Variants in EIF5A observed in about 807,000 individuals in gnomAD.
EIF5A encodes eukaryotic translation initiation factor 5A-1.
A neutral mutation model predicts 16.6 loss-of-function variants in EIF5A; 1 was observed. The observed-to-expected ratio is 0.06, with a 90% CI of 0.02 to 0.28. The LOEUF (loss-of-function observed/expected upper bound fraction) is 0.28. Ranked by LOEUF, EIF5A falls within the 10% of genes least tolerant of loss-of-function variation. EIF5A has a pLI of 1.00. For missense variants in EIF5A, 29 were observed against 196.1 expected (o/e 0.15, Z 5.09); for synonymous variants, 80 against 73.6 (o/e 1.09, Z -0.44).
chr17:7,310,699 C>T (rs759839115), intron 2 of EIF5A: 163 of 985,292 alleles, frequency 1.7e-4, no homozygotes, highest in Middle Eastern at 1.5e-3. Context: ...GAAAACTCTT[C>T]GAAACTTTTA....
intron 1 of EIF5A, among the ~76,000 whole-genome samples, chr17:7,309,358 C>G (rs540763645): frequency 1.3e-5 from 2 of 152,200 alleles, no homozygotes; most frequent in African/African-American, 2.4e-5. Context: ...TTCCAGCTCC[C>G]TAGAGCCTTC....
intron 1 of EIF5A, 177 bp downstream of exon 1, chr17:7,307,929 G>A: frequency 1.0e-6 from 1 of 985,008 alleles, no homozygotes; most frequent in Non-Finnish European, 1.2e-6. Context: ...TGGCGCGCGG[G>A]GTGACGGTTG....
intron 2 of EIF5A, 61 bp downstream of exon 2, chr17:7,309,861 G>A: frequency 1.9e-6 from 3 of 1,614,040 alleles, no homozygotes; most frequent in East Asian, 4.5e-5. Flanking sequence ...GGCGCTCCCA[G>A]CAGCAAGCTG....
At chr17:7,308,401 C>T in intron 1 of EIF5A, 1 of 1,255,814 alleles carries the variant, frequency 8.0e-7, no homozygotes, top group South Asian at 1.3e-5. Flanking sequence ...GCGCGGGGAG[C>T]TAGTCCTCGC....
rs1194198672 is a variant in EIF5A at position 7,307,709 on chromosome 17, G to T, written c.-65G>T. ...CAGCGGGCTCGGAGGCAGCGGTTGGGCTCGCGGCGAGCGGACGGGGTCGAG... is the reference window on the plus strand; with the variant it reads ...CAGCGGGCTCGGAGGCAGCGGTTGGTCTCGCGGCGAGCGGACGGGGTCGAG... On this transcript the variant is annotated 5_prime_UTR_variant, in exon 1 of 6. Coordinates refer to ENST00000336458, the MANE Select transcript of EIF5A (RefSeq NM_001970.5). The T allele has an allele frequency of 9.6e-7, 1 of 1,044,284 alleles. No individual in the cohort carries two copies. The highest frequency in any genetic ancestry group is 1.7e-5 in the African/African-American group (1 of 57,826). The allele number at this position is 1,044,284 out of a possible 1,614,324, so 64.7% of individuals were successfully genotyped here. A position where few individuals can be genotyped will look rare whatever the true frequency, so the allele number is the denominator to read the frequency against.
chr17:7,307,083 C>A (rs575429378), upstream of EIF5A: 103 of 1,603,524 alleles, frequency 6.4e-5, no homozygotes, highest in Non-Finnish European at 8.0e-5. Flanking sequence ...CAAGACAAGG[C>A]GCCCACCCCA....
At chr17:7,307,175 T>C (rs1209258712), upstream of EIF5A, 2 of 1,507,960 alleles carry the variant, frequency 1.3e-6, no homozygotes, top group Non-Finnish European at 1.8e-6. Flanking sequence ...GCATGCGTTC[T>C]AGACGAGACA....
intron 1 of EIF5A, chr17:7,308,114 GT>G (rs948276599): frequency 9.1e-5 from 91 of 1,000,880 alleles, no homozygotes; most frequent in African/African-American, 9.0e-4. Flanking sequence ...GCCACGTGAG[GT>G]GGGGGAGGGG....
At position 7,312,043 on chromosome 17, in the gene EIF5A, CCT is replaced by C; in HGVS notation, c.*236_*237del. 3.9e-6 allele frequency: 1 copy of C among 253,604 alleles called. No homozygotes were observed. The highest frequency in any genetic ancestry group is 7.7e-5 in the South Asian group (1 of 12,998). The allele number at this position is 253,604 out of a possible 1,614,324, so 15.7% of individuals were successfully genotyped here. On this transcript the variant is annotated 3_prime_UTR_variant, in exon 6 of 6. Coordinates refer to ENST00000336458, the MANE Select transcript of EIF5A (RefSeq NM_001970.5). ...GCTGTGGCCTTGGTGAAGCTGCCCTCCTCTTCTCCCCTCACACTACAGCCCTG... is the reference window on the plus strand; with the variant it reads ...GCTGTGGCCTTGGTGAAGCTGCCCTCCTTCTCCCCTCACACTACAGCCCTG...
At chr17:7,308,126 GC>G (rs2072683382) in intron 1 of EIF5A, 15 of 982,596 alleles carry the variant, frequency 1.5e-5, no homozygotes, top group Non-Finnish European at 1.8e-5. Flanking sequence ...GGGGGAGGGG[GC>G]TATTCGGTGA....
Position 7,311,130 on chromosome 17 carries a change from G to A in EIF5A, c.270+8G>A. 6.2e-7 allele frequency: 1 copy of A among 1,613,278 alleles called. No individual in the cohort carries two copies. Among genetic ancestry groups the A allele is most frequent in the South Asian group, 1.1e-5 (1 of 90,946 alleles). ...AAAAGGAATGACTTCCAGGTATGTA[G>A]ATGGTCTGGATGAGGATGGGTTAGC... is the stretch of plus-strand genomic sequence containing the variant. On this transcript the variant is annotated splice_region_variant and intron_variant, in intron 3 of 5. Transcript: ENST00000336458.
At position 7,311,818 on chromosome 17, in the gene EIF5A, C is replaced by T. The variant is rs957915784; in HGVS notation, c.*12-4C>T. 5 of 988,622 alleles carry T rather than the reference C, an allele frequency of 5.1e-6. No individual in the cohort carries two copies. Among genetic ancestry groups the T allele is most frequent in the South Asian group, 1.6e-5 (1 of 61,464 alleles). The allele number at this position is 988,622 out of a possible 1,614,324, so 61.2% of individuals were successfully genotyped here. On this transcript the variant is annotated splice_region_variant and splice_polypyrimidine_tract_variant and intron_variant, in intron 5 of 5. Transcript: ENST00000336458. The stretch of plus-strand genomic sequence containing the variant: ...TGTCTTACTAATTTCTCTCTCCTAC[C>T]TAGGGTGGCGGTGGTGGCAGCAGTG...
At chr17:7,308,257 C>T in intron 1 of EIF5A, 3 of 1,047,020 alleles carry the variant, frequency 2.9e-6, no homozygotes, top group South Asian at 2.2e-5. Flanking sequence ...CCACGGGAGG[C>T]TGCCCTCGGG....
Position 7,307,636 on chromosome 17 carries a change from AC to A in EIF5A, c.-135del. On this transcript the variant is annotated 5_prime_UTR_variant, in exon 1 of 6. Transcript: ENST00000336458. ...GGGGAGTCGGCGCCTGCGTACTAAG[AC>A]CCGTGTGCAGCAGCGGCGGCGGCGG... The A allele has an allele frequency of 6.7e-6, 7 of 1,039,762 alleles. No homozygotes were observed. Among genetic ancestry groups the A allele is most frequent in the South Asian group, 3.0e-5 (1 of 33,002 alleles). 64.4% of individuals were successfully genotyped at this position (1,039,762 alleles called of 1,614,324 possible). A position where few individuals can be genotyped will look rare whatever the true frequency, so the allele number is the denominator to read the frequency against.
chr17:7,308,325 C>A (rs963231545), intron 1 of EIF5A: 2 of 1,159,064 alleles, frequency 1.7e-6, no homozygotes, highest in Non-Finnish European at 2.2e-6. Context: ...GGGGACCCCT[C>A]CCCCCAGGTC....
chr17:7,310,946 A>C, intron 2 of EIF5A, 72 bp from the exon 3 acceptor site: 1 of 1,525,492 alleles, frequency 6.6e-7, no homozygotes, highest in African/African-American at 1.4e-5. Context: ...TCATCAGGCA[A>C]GGTCAATTTG....
intron 1 of EIF5A, chr17:7,308,534 T>C: frequency 7.4e-7 from 1 of 1,351,698 alleles, no homozygotes; most frequent in Non-Finnish European, 9.8e-7. Flanking sequence ...CCCAGGAGCT[T>C]TCCTGAAAAA....
chr17:7,307,311 A>C, upstream of EIF5A: 3 of 1,162,832 alleles, frequency 2.6e-6, no homozygotes, highest in Non-Finnish European at 3.4e-6. Context: ...GAGGGTGTGG[A>C]GTGCAGGGCT....
upstream of EIF5A, chr17:7,307,116 G>A (rs192093777): frequency 2.1e-5 from 33 of 1,595,882 alleles, no homozygotes; most frequent in Non-Finnish European, 2.6e-5. Context: ...TCTGAAACGT[G>A]TGAGTCGTTT....
Sources: gnomAD v4.1 joint callset for allele counts (sites outside exome capture counted in the v4.1 genomes callset) on GRCh38, gnomAD v4.1.1 for gene constraint, MANE v1.5 for transcripts, NCBI Gene and HGNC (gene_info 2026-07-23, HGNC 2026-07-21) for gene names.